Variants in ACSM5 observed in about 807,000 individuals in gnomAD.
ACSM5 encodes acyl-coenzyme A synthetase ACSM5, mitochondrial.
In ACSM5, 56 loss-of-function variants were observed where a neutral mutation model predicts 71.6. That is an observed-to-expected ratio of 0.78 (90% CI 0.63 to 0.98). ACSM5 has a LOEUF of 0.98. ACSM5 is among the 50% of genes least tolerant of loss of function. ACSM5 has a pLI of 0.00. For missense variants in ACSM5, 723 were observed against 726.0 expected, an observed-to-expected ratio of 1.00 and a Z score of 0.05; for synonymous variants, 285 against 281.5, an observed-to-expected ratio of 1.01 and a Z score of -0.12.
chr16:20,435,637 C>A (rs1158982627), intron 10 of ACSM5, among the ~76,000 whole-genome samples: 1 of 152,102 alleles, frequency 6.6e-6, no homozygotes, highest in Admixed American at 6.6e-5. Flanking sequence ...CCAGACCCAG[C>A]GATTGATACA....
At chr16:20,422,362 G>T (rs1966896602) in intron 5 of ACSM5, among the ~76,000 whole-genome samples, 1 of 152,038 alleles carries the variant, frequency 6.6e-6, no homozygotes. Context: ...CTCACGCCTT[G>T]GCCTCTCAAA....
At chr16:20,410,902 T>A (rs1287207713) in intron 1 of ACSM5, among the ~76,000 whole-genome samples, 1 of 152,146 alleles carries the variant, frequency 6.6e-6, no homozygotes, top group Non-Finnish European at 1.5e-5. Flanking sequence ...TTGTGAGGAC[T>A]TAGTACCAAA....
At chr16:20,426,554 C>T (rs952765734) in intron 6 of ACSM5, among the ~76,000 whole-genome samples, 2 of 152,158 alleles carry the variant, frequency 1.3e-5, no homozygotes, top group African/African-American at 4.8e-5. Flanking sequence ...TGTATATGTA[C>T]AATGGAATAT....
intron 2 of ACSM5, among the ~76,000 whole-genome samples, chr16:20,412,494 T>C (rs1479622806): frequency 6.6e-6 from 1 of 152,258 alleles, no homozygotes; most frequent in Non-Finnish European, 1.5e-5. Flanking sequence ...GTGCATCTGC[T>C]TTCTTCTTTA....
chr16:20,419,573 G>A, intron 4 of ACSM5, 138 bp downstream of exon 4: 1 of 804,786 alleles, frequency 1.2e-6, no homozygotes, highest in Non-Finnish European at 2.0e-6. Flanking sequence ...AGGCTGACCT[G>A]AGCATAATCC....
chr16:20,413,882 A>G (rs1966851921), intron 2 of ACSM5, among the ~76,000 whole-genome samples: 1 of 139,006 alleles, frequency 7.2e-6, no homozygotes, highest in Non-Finnish European at 1.6e-5. Context: ...TCAGGCATTT[A>G]AAGATATTTC....
rs1596625824 is a variant in ACSM5, at chr16:20,437,266, A to G, written c.1437-2A>G. 4.3e-6 allele frequency: 7 copies of G among 1,614,140 alleles called. No homozygotes were observed. The East Asian group carries it at 1.6e-4, about 36-fold the overall frequency. On this transcript the variant is annotated splice_acceptor_variant, in intron 11 of 13. Coordinates refer to ENST00000331849, the MANE Select transcript of ACSM5 (RefSeq NM_017888.3). LOFTEE classifies it high-confidence loss of function. The stretch of plus-strand genomic sequence containing the variant: ...TTGGAAGAGTTTGTTTTTCCCTTCC[A>G]GCTACCGGATCGGGCCTGTTGAAGT...
chr16:20,439,188 CTA>C (rs962903943), intron 12 of ACSM5, among the ~76,000 whole-genome samples: 2 of 143,456 alleles, frequency 1.4e-5, no homozygotes, highest in African/African-American at 5.4e-5. Flanking sequence ...CTAACAGAAA[CTA>C]TGTTTGTTGT....
intron 2 of ACSM5, among the ~76,000 whole-genome samples, chr16:20,416,227 A>G (rs1966856095): frequency 6.6e-6 from 1 of 151,896 alleles, no homozygotes. Flanking sequence ...GAAATAGACA[A>G]CCTGATTCAA....
In ACSM5 at chr16:20,424,078, A is replaced by G; in HGVS notation, c.921+9A>G. The G allele has an allele frequency of 6.2e-7, 1 of 1,613,836 alleles. No homozygotes were observed. The highest frequency in any genetic ancestry group is 2.2e-5 in the East Asian group (1 of 44,866). ...CCAAAGTTATCCTGAATGTAAGAGGAAAAACCAACAATACCCCATATGTGT... is the reference window on the plus strand; with the variant it reads ...CCAAAGTTATCCTGAATGTAAGAGGGAAAACCAACAATACCCCATATGTGT... On this transcript the variant is annotated intron_variant, in intron 6 of 13. Coordinates refer to ENST00000331849, the MANE Select transcript of ACSM5 (RefSeq NM_017888.3).
intron 10 of ACSM5, among the ~76,000 whole-genome samples, chr16:20,436,089 C>CTT (rs879465170): frequency 0.35 from 48,477 of 138,452 alleles, 9,179 homozygotes; most frequent in East Asian, 0.6. Flanking sequence ...TCCTTCCTTC[C>CTT]TTTTCTCTTT....
intron 6 of ACSM5, among the ~76,000 whole-genome samples, chr16:20,424,349 AC>A (rs764301720): frequency 2.1e-4 from 32 of 152,010 alleles, no homozygotes; most frequent in Admixed American, 5.2e-4. Context: ...TCCTGCCAAA[AC>A]CCTAGGTATT....
intron 11 of ACSM5, 34 bp from the exon 12 acceptor site, chr16:20,437,234 A>G (rs575137767): frequency 3.7e-6 from 6 of 1,614,166 alleles, no homozygotes; most frequent in Non-Finnish European, 5.1e-6. Context: ...GGTTGAGGGA[A>G]GCCCACTTGG....
chr16:20,440,563 C>T lies in ACSM5; in HGVS notation c.*136C>T. On this transcript the variant is annotated 3_prime_UTR_variant, in exon 14 of 14. Transcript: ENST00000331849. ...GGTGTGCAGCTTCCAAACGGCATCC[C>T]CAGGATCACTGGGCAATGCTGGAAA... is the stretch of plus-strand genomic sequence containing the variant. 1 of 749,806 alleles carries T rather than the reference C, an allele frequency of 1.3e-6. No homozygotes were observed. Among genetic ancestry groups the T allele is most frequent in the Admixed American group, 2.4e-5 (1 of 42,472 alleles). 46.4% of individuals were successfully genotyped at this position (749,806 alleles called of 1,614,324 possible).
At chr16:20,436,671 A>C (rs375333727) in intron 10 of ACSM5, among the ~76,000 whole-genome samples, 31 of 152,230 alleles carry the variant, frequency 2.0e-4, no homozygotes, top group African/African-American at 6.3e-4. Flanking sequence ...CACCCGGCCT[A>C]GCCCTTCACT....
chr16:20,429,761 C>T lies in ACSM5; in HGVS notation c.1085C>T (p.Thr362Ile). Reference protein sequence around the residue: ...PDVREKWKHQTGVELYEGYGQ... With the variant: ...PDVREKWKHQIGVELYEGYGQ... ...GTGAGGGAGAAGTGGAAACACCAGACTGGTGTGGAGCTGTACGAAGGCTAT... is the reference window on the plus strand; with the variant it reads ...GTGAGGGAGAAGTGGAAACACCAGATTGGTGTGGAGCTGTACGAAGGCTAT... Residue 362 changes from threonine to isoleucine, a missense_variant, in exon 8 of 14, where the codon ACT becomes ATT. Coordinates refer to ENST00000331849, the MANE Select transcript of ACSM5 (RefSeq NM_017888.3). 6.2e-7 allele frequency: 1 copy of T among 1,611,018 alleles called. No homozygotes were observed.
intron 5 of ACSM5, among the ~76,000 whole-genome samples, chr16:20,423,584 T>A (rs1447743182): frequency 1.3e-5 from 2 of 152,252 alleles, no homozygotes; most frequent in African/African-American, 4.8e-5. Flanking sequence ...AGATCCCTAG[T>A]GCTAAGTCCA....
At chr16:20,432,502 C>T (rs566698537) in intron 10 of ACSM5, among the ~76,000 whole-genome samples, 2 of 152,270 alleles carry the variant, frequency 1.3e-5, no homozygotes, top group Non-Finnish European at 2.9e-5. Flanking sequence ...TACAAAATCC[C>T]ACAACATAGT....
At chr16:20,432,760 A>G (rs1335510819) in intron 10 of ACSM5, among the ~76,000 whole-genome samples, 1 of 151,004 alleles carries the variant, frequency 6.6e-6, no homozygotes, top group African/African-American at 2.4e-5. Context: ...AGTAATTTGA[A>G]AAGTTATTTG....
Sources: gnomAD v4.1 joint callset for allele counts (sites outside exome capture counted in the v4.1 genomes callset) on GRCh38, gnomAD v4.1.1 for gene constraint, MANE v1.5 for transcripts, NCBI Gene and HGNC (gene_info 2026-07-23, HGNC 2026-07-21) for gene names.